KHDRBS2: variants seen among roughly 807,000 people sequenced by gnomAD.
KHDRBS2 encodes KH domain-containing, RNA-binding, signal transduction-associated protein 2.
Under a neutral mutation model 44.3 loss-of-function variants are expected in KHDRBS2, and 26 were observed. That is an observed-to-expected ratio of 0.59 (90% CI 0.43 to 0.81). KHDRBS2 has a LOEUF of 0.81. Among genes scored for constraint, KHDRBS2 ranks in the 40% least tolerant of loss-of-function variants. KHDRBS2 has a pLI of 0.00. For synonymous variants in KHDRBS2, 194 were observed against 151.1 expected (o/e 1.28, Z -2.08); for missense variants, 476 against 433.1 (o/e 1.10, Z -0.88).
intron 1 of KHDRBS2, among the ~76,000 whole-genome samples, chr6:62,212,492 T>G (rs1829232922): frequency 6.6e-6 from 1 of 152,006 alleles, no homozygotes; most frequent in African/African-American, 2.4e-5. Flanking sequence ...CCTCAGAATA[T>G]GACCTTTTTG....
At chr6:62,156,018 C>T (rs547809199) in intron 2 of KHDRBS2, among the ~76,000 whole-genome samples, 2 of 152,248 alleles carry the variant, frequency 1.3e-5, no homozygotes, top group East Asian at 3.9e-4. Context: ...TTATACAATA[C>T]ATTGTTTGGC....
intron 2 of KHDRBS2, among the ~76,000 whole-genome samples, chr6:62,077,557 G>A (rs1244408973): frequency 2.0e-5 from 3 of 151,948 alleles, no homozygotes; most frequent in African/African-American, 2.4e-5. Flanking sequence ...AGTAAGATAG[G>A]AGCCTTTTGT....
intron 6 of KHDRBS2, among the ~76,000 whole-genome samples, chr6:61,832,353 T>C (rs987629459): frequency 2.0e-5 from 3 of 152,208 alleles, no homozygotes; most frequent in Admixed American, 1.3e-4. Context: ...GTTTGGAGTA[T>C]GGCCTATATA....
intron 2 of KHDRBS2, among the ~76,000 whole-genome samples, chr6:62,062,357 A>T (rs907635408): frequency 1.4e-5 from 2 of 142,058 alleles, no homozygotes; most frequent in African/African-American, 5.2e-5. Context: ...ACCTATTCCA[A>T]AATTGACCAC....
chr6:61,655,448 T>A, the KHDRBS2 span, among the ~76,000 whole-genome samples: 1 of 152,046 alleles, frequency 6.6e-6, no homozygotes, highest in African/African-American at 2.4e-5. Flanking sequence ...AGAGACAGGG[T>A]TTCACCATGT....
chr6:62,074,801 C>T (rs1486784537), intron 2 of KHDRBS2, among the ~76,000 whole-genome samples: 2 of 151,806 alleles, frequency 1.3e-5, no homozygotes, highest in East Asian at 1.9e-4. Context: ...AGGACCTTAA[C>T]ATATTTTATT....
Position 61,891,488 on chromosome 6 carries a change from G to C in KHDRBS2, c.810+3147C>G, listed in dbSNP as rs181243876. Among the ~76,000 whole-genome samples, 726 of 152,172 alleles carry C rather than the reference G, an allele frequency of 4.8e-3. 5 individuals carry two copies. The highest frequency in any genetic ancestry group is 0.016 in the African/African-American group (681 of 41,514). On this transcript the variant is annotated intron_variant, in intron 6 of 8. Coordinates refer to ENST00000281156, the MANE Select transcript of KHDRBS2 (RefSeq NM_152688.4). ...GGATTCCCTCTTTTTCTACTGACTG[G>C]AATAGTTTCAGAAGGAATGGTACCA...
intron 2 of KHDRBS2, among the ~76,000 whole-genome samples, chr6:62,103,331 C>A (rs374915823): frequency 6.6e-5 from 10 of 152,192 alleles, no homozygotes; most frequent in South Asian, 2.1e-4. Context: ...CCTTCAGCCC[C>A]CTGGCCTGTC....
chr6:61,738,497 T>C (rs1285541727), intron 6 of KHDRBS2, among the ~76,000 whole-genome samples: 3 of 151,990 alleles, frequency 2.0e-5, no homozygotes, highest in Non-Finnish European at 4.4e-5. Context: ...TCTTTCTGAG[T>C]CTTTGCTAAG....
At chr6:61,650,662 G>T in the KHDRBS2 span, among the ~76,000 whole-genome samples, 12 of 151,474 alleles carry the variant, frequency 7.9e-5, no homozygotes, top group Non-Finnish European at 1.5e-4. Flanking sequence ...ACTATGAATA[G>T]CCCTTGAATG....
intron 1 of KHDRBS2, among the ~76,000 whole-genome samples, chr6:62,246,148 A>G (rs1168321264): frequency 6.8e-6 from 1 of 146,246 alleles, no homozygotes; most frequent in Non-Finnish European, 1.5e-5. Flanking sequence ...TCAATGTTAA[A>G]GCTACTCAGA....
At chr6:62,153,094 A>G (rs1389460691) in intron 2 of KHDRBS2, among the ~76,000 whole-genome samples, 6 of 152,232 alleles carry the variant, frequency 3.9e-5, no homozygotes, top group African/African-American at 1.4e-4. Flanking sequence ...CTCAATGGCA[A>G]AAACATTAAA....
intron 2 of KHDRBS2, among the ~76,000 whole-genome samples, chr6:62,115,600 G>A (rs1584793442): frequency 6.6e-6 from 1 of 152,140 alleles, no homozygotes; most frequent in African/African-American, 2.4e-5. Flanking sequence ...GTTTATGTAT[G>A]TATTGGCTTG....
intron 8 of KHDRBS2, among the ~76,000 whole-genome samples, chr6:61,689,169 G>A (rs1230907408): frequency 1.3e-5 from 2 of 151,902 alleles, no homozygotes; most frequent in Non-Finnish European, 2.9e-5. Flanking sequence ...GTGCCAGGAG[G>A]ATAATGTGAC....
At chr6:61,868,370 A>T (rs1798085901) in intron 6 of KHDRBS2, among the ~76,000 whole-genome samples, 1 of 152,060 alleles carries the variant, frequency 6.6e-6, no homozygotes, top group Non-Finnish European at 1.5e-5. Flanking sequence ...GAGAAATAAG[A>T]ACTCTGTCAG....
chr6:61,877,487 G>A (rs1256196073), intron 6 of KHDRBS2, among the ~76,000 whole-genome samples: 6 of 143,984 alleles, frequency 4.2e-5, no homozygotes, highest in Non-Finnish European at 9.1e-5. Flanking sequence ...TTCCCACATT[G>A]CTTCCCTCCT....
intron 4 of KHDRBS2, among the ~76,000 whole-genome samples, chr6:61,976,930 A>T (rs1156655533): frequency 6.6e-6 from 1 of 152,192 alleles, no homozygotes; most frequent in African/African-American, 2.4e-5. Context: ...TGAGCATCAG[A>T]TAATAAATTG....
At chr6:61,750,774 A>C (rs1472411063) in intron 6 of KHDRBS2, among the ~76,000 whole-genome samples, 10 of 151,918 alleles carry the variant, frequency 6.6e-5, no homozygotes, top group Non-Finnish European at 1.3e-4. Flanking sequence ...AAAAAAAAAA[A>C]AAACATCTAG....
intron 6 of KHDRBS2, among the ~76,000 whole-genome samples, chr6:61,868,061 C>A (rs1208411749): frequency 6.6e-6 from 1 of 152,084 alleles, no homozygotes; most frequent in African/African-American, 2.4e-5. Context: ...AGCTGAGATG[C>A]CCAAACAGCA....
Sources: allele counts gnomAD v4.1 joint callset (sites outside exome capture counted in the v4.1 genomes callset), GRCh38; gene constraint gnomAD v4.1.1; transcripts MANE v1.5; gene names NCBI Gene and HGNC (gene_info 2026-07-23, HGNC 2026-07-21).